The following KHDRBS2 variants were observed in gnomAD, a reference collection of about 807,000 sequenced individuals.
KHDRBS2 encodes KH domain-containing, RNA-binding, signal transduction-associated protein 2.
In KHDRBS2, 26 loss-of-function variants were observed where a neutral mutation model predicts 44.3. That is an observed-to-expected ratio of 0.59 (90% CI 0.43 to 0.81). KHDRBS2 has a LOEUF of 0.81. KHDRBS2 is among the 40% of genes least tolerant of loss of function. The pLI is 0.00. For synonymous variants in KHDRBS2, 194 were observed against 151.1 expected, an observed-to-expected ratio of 1.28 and a Z score of -2.08; for missense variants, 476 against 433.1, an observed-to-expected ratio of 1.10 and a Z score of -0.88.
At chr6:62,066,617 T>C (rs1472349848) in intron 2 of KHDRBS2, among the ~76,000 whole-genome samples, 2 of 151,644 alleles carry the variant, frequency 1.3e-5, no homozygotes, top group Non-Finnish European at 3.0e-5. Flanking sequence ...AAGTTTTCCA[T>C]CTCTATATAA....
chr6:62,211,805 G>A (rs1829093793), intron 1 of KHDRBS2, among the ~76,000 whole-genome samples: 1 of 151,910 alleles, frequency 6.6e-6, no homozygotes, highest in African/African-American at 2.4e-5. Context: ...TCTATTTCTG[G>A]GTATATACCC....
At chr6:61,879,714 G>T (rs1431364365) in intron 6 of KHDRBS2, among the ~76,000 whole-genome samples, 1 of 151,760 alleles carries the variant, frequency 6.6e-6, no homozygotes, top group South Asian at 2.1e-4. Flanking sequence ...CTAACTGTAT[G>T]TACTATATAA....
intron 8 of KHDRBS2, among the ~76,000 whole-genome samples, chr6:61,696,138 C>G (rs1348229762): frequency 6.6e-6 from 1 of 151,710 alleles, no homozygotes; most frequent in Non-Finnish European, 1.5e-5. Context: ...TGCACCAATG[C>G]CAAGCAGCCT....
chr6:62,126,614 G>A (rs764984205), intron 2 of KHDRBS2, among the ~76,000 whole-genome samples: 10 of 152,276 alleles, frequency 6.6e-5, no homozygotes, highest in Non-Finnish European at 1.2e-4. Context: ...CCCTCCCTCA[G>A]CTCTAGGCAG....
At chr6:62,031,318 G>A (rs962476068) in intron 3 of KHDRBS2, among the ~76,000 whole-genome samples, 6 of 152,064 alleles carry the variant, frequency 3.9e-5, no homozygotes, top group Non-Finnish European at 5.9e-5. Flanking sequence ...GAGAGACTCA[G>A]TACATTCCCA....
At chr6:61,771,016 A>T (rs1288202233) in intron 6 of KHDRBS2, among the ~76,000 whole-genome samples, 3 of 152,228 alleles carry the variant, frequency 2.0e-5, no homozygotes, top group Non-Finnish European at 2.9e-5. Context: ...GCCAGAAGAG[A>T]GTGGGGGCCA....
the KHDRBS2 span, among the ~76,000 whole-genome samples, chr6:61,600,788 CCTCT>C: frequency 1.3e-5 from 2 of 152,144 alleles, no homozygotes; most frequent in Admixed American, 1.3e-4. Flanking sequence ...GGATAAGTGG[CCTCT>C]CTTTACTCTC....
chr6:62,105,240 T>G (rs564045847), intron 2 of KHDRBS2, among the ~76,000 whole-genome samples: 1 of 152,182 alleles, frequency 6.6e-6, no homozygotes, highest in Non-Finnish European at 1.5e-5. Flanking sequence ...TTCCAAAAAG[T>G]TGAAGTAGGG....
chr6:61,784,974 C>T (rs1478833885), intron 6 of KHDRBS2, among the ~76,000 whole-genome samples: 1 of 151,998 alleles, frequency 6.6e-6, no homozygotes, highest in African/African-American at 2.4e-5. Context: ...CATGGCAAAA[C>T]TCTGTCTCTA....
chr6:62,112,968 C>T (rs1242053166), intron 2 of KHDRBS2, among the ~76,000 whole-genome samples: 1 of 152,092 alleles, frequency 6.6e-6, no homozygotes, highest in Non-Finnish European at 1.5e-5. Flanking sequence ...CATCTTCTCA[C>T]CCACATACCT....
intron 2 of KHDRBS2, among the ~76,000 whole-genome samples, chr6:62,165,044 CAT>C (rs1309921487): frequency 6.6e-6 from 1 of 151,692 alleles, no homozygotes; most frequent in Non-Finnish European, 1.5e-5. Flanking sequence ...TTCAAATATT[CAT>C]ATACATTTAG....
chr6:62,221,946 A>G (rs1196691642), intron 1 of KHDRBS2, among the ~76,000 whole-genome samples: 1 of 152,170 alleles, frequency 6.6e-6, no homozygotes, highest in Non-Finnish European at 1.5e-5. Flanking sequence ...AATCCACAGC[A>G]TGCAATCTGT....
the KHDRBS2 span, among the ~76,000 whole-genome samples, chr6:61,590,924 C>CA: frequency 6.6e-6 from 1 of 152,090 alleles, no homozygotes. Context: ...GAACATGAGA[C>CA]AAAATCCACA....
intron 6 of KHDRBS2, among the ~76,000 whole-genome samples, chr6:61,785,506 T>G (rs561652212): frequency 4.6e-5 from 7 of 152,216 alleles, no homozygotes; most frequent in Admixed American, 3.3e-4. Flanking sequence ...GAAGTGCAAT[T>G]TGACCCTTTT....
chr6:61,614,735 T>C, the KHDRBS2 span, among the ~76,000 whole-genome samples: 1 of 152,146 alleles, frequency 6.6e-6, no homozygotes, highest in Non-Finnish European at 1.5e-5. Context: ...CTGTATTTTA[T>C]TTAAAAATTG....
intron 1 of KHDRBS2, among the ~76,000 whole-genome samples, chr6:62,204,987 G>C (rs1331578451): frequency 6.6e-6 from 1 of 152,122 alleles, no homozygotes; most frequent in Non-Finnish European, 1.5e-5. Flanking sequence ...CTGGAGCAAA[G>C]GGAATGTTTG....
chr6:62,016,698 G>T (rs1369752841), intron 3 of KHDRBS2, among the ~76,000 whole-genome samples: 2 of 151,190 alleles, frequency 1.3e-5, no homozygotes, highest in African/African-American at 2.4e-5. Context: ...AAGTATTTAA[G>T]ATCTGGTACA....
rs557374708 is a variant in KHDRBS2, at chr6:61,726,219, A to C, written c.893+6463T>G. On this transcript the variant is annotated intron_variant, in intron 7 of 8. Coordinates refer to ENST00000281156, the MANE Select transcript of KHDRBS2 (RefSeq NM_152688.4). Reference sequence around the variant, plus strand: ...CAGAAAAGGCCTTCAATAAAATTCAACATCCCTTCATTTTAAAAACTCTCA... The same window carrying C: ...CAGAAAAGGCCTTCAATAAAATTCACCATCCCTTCATTTTAAAAACTCTCA... 4.2e-4 allele frequency among the ~76,000 whole-genome samples: 64 copies of C among 152,228 alleles called. No homozygotes were observed. The South Asian group carries it at 0.012, about 28-fold the overall frequency.
chr6:61,808,901 A>G (rs1222832273), intron 6 of KHDRBS2, among the ~76,000 whole-genome samples: 2 of 152,182 alleles, frequency 1.3e-5, no homozygotes, highest in African/African-American at 4.8e-5. Flanking sequence ...AAAGGAATAA[A>G]GGGAAGAAAA....
Sources: allele counts gnomAD v4.1 joint callset (sites outside exome capture counted in the v4.1 genomes callset), GRCh38; gene constraint gnomAD v4.1.1; transcripts MANE v1.5; gene names NCBI Gene and HGNC (gene_info 2026-07-23, HGNC 2026-07-21).